The following ARB2A variants were observed in gnomAD, a reference collection of about 807,000 sequenced individuals.
ARB2A encodes cotranscriptional regulator ARB2A.
the ARB2A span, among the ~76,000 whole-genome samples, chr5:93,909,522 A>G: frequency 6.6e-5 from 10 of 151,124 alleles, no homozygotes; most frequent in Non-Finnish European, 1.3e-4. Context: ...CTCATGCTCT[A>G]TCCTAAAACA....
At chr5:93,675,510 G>C in the ARB2A span, among the ~76,000 whole-genome samples, 1 of 152,152 alleles carries the variant, frequency 6.6e-6, no homozygotes, top group African/African-American at 2.4e-5. Context: ...AAAAGTGATT[G>C]AGTTGAAAAA....
the ARB2A span, among the ~76,000 whole-genome samples, chr5:93,668,385 C>T: frequency 9.6e-4 from 146 of 152,304 alleles, 1 homozygote; most frequent in Non-Finnish European, 3.5e-4. Context: ...GGATTATAGG[C>T]GTGAGCCACC....
At chr5:93,656,340 T>C in the ARB2A span, among the ~76,000 whole-genome samples, 34 of 152,352 alleles carry the variant, frequency 2.2e-4, no homozygotes, top group South Asian at 6.8e-3. Flanking sequence ...CACATTTTGC[T>C]TCTAACCTGC....
chr5:93,962,941 C>A, the ARB2A span, among the ~76,000 whole-genome samples: 1 of 152,008 alleles, frequency 6.6e-6, no homozygotes, highest in Non-Finnish European at 1.5e-5. Context: ...AAACATATAA[C>A]ATGCTGTATA....
chr5:94,024,666 AAAGCACAC>A, the ARB2A span, among the ~76,000 whole-genome samples: 1 of 152,168 alleles, frequency 6.6e-6, no homozygotes. Flanking sequence ...AATTATTTTA[AAAGCACAC>A]AAGACACAAA....
chr5:93,661,181 A>G, the ARB2A span, among the ~76,000 whole-genome samples: 1 of 152,122 alleles, frequency 6.6e-6, no homozygotes, highest in East Asian at 1.9e-4. Context: ...AAGTAGTAAG[A>G]TAACACTGAT....
the ARB2A span, among the ~76,000 whole-genome samples, chr5:93,874,862 C>T: frequency 7.2e-5 from 11 of 152,128 alleles, no homozygotes; most frequent in Non-Finnish European, 1.6e-4. Context: ...CTGAAAGGTA[C>T]AAGGGCCAGG....
the ARB2A span, among the ~76,000 whole-genome samples, chr5:93,767,025 A>T: frequency 1.2e-4 from 14 of 113,050 alleles, no homozygotes; most frequent in African/African-American, 4.5e-4. Flanking sequence ...AACATCACAC[A>T]CCGGGGCCTG....
At chr5:93,778,137 T>C in the ARB2A span, among the ~76,000 whole-genome samples, 1 of 152,330 alleles carries the variant, frequency 6.6e-6, no homozygotes, top group African/African-American at 2.4e-5. Flanking sequence ...AAAAGCTTGA[T>C]GGTTTAAAAT....
At chr5:93,964,510 T>C in the ARB2A span, 2 of 1,580,040 alleles carry the variant, frequency 1.3e-6, no homozygotes, top group East Asian at 4.5e-5. Context: ...CTCATATACA[T>C]ACTTCGTGAT....
chr5:93,732,219 A>C, the ARB2A span, among the ~76,000 whole-genome samples: 1 of 152,162 alleles, frequency 6.6e-6, no homozygotes, highest in Non-Finnish European at 1.5e-5. Context: ...TCAGTTCATG[A>C]CAGTTCATCT....
At chr5:93,853,947 G>T in the ARB2A span, among the ~76,000 whole-genome samples, 6 of 152,134 alleles carry the variant, frequency 3.9e-5, no homozygotes, top group Non-Finnish European at 5.9e-5. Flanking sequence ...CCCTGGCTTT[G>T]GTATCAGGAT....
the ARB2A span, among the ~76,000 whole-genome samples, chr5:94,075,119 A>G: frequency 1.3e-5 from 2 of 152,112 alleles, no homozygotes; most frequent in African/African-American, 4.8e-5. Context: ...TTTTTAAAAA[A>G]TATCTTTGGG....
At chr5:94,073,735 C>G in the ARB2A span, among the ~76,000 whole-genome samples, 1 of 152,080 alleles carries the variant, frequency 6.6e-6, no homozygotes, top group Non-Finnish European at 1.5e-5. Flanking sequence ...CTGGATCCTT[C>G]CCAGCAACAT....
At chr5:93,852,454 T>C in the ARB2A span, among the ~76,000 whole-genome samples, 1 of 152,226 alleles carries the variant, frequency 6.6e-6, no homozygotes, top group African/African-American at 2.4e-5. Context: ...AGCTCTTTAG[T>C]TTCACTAGAT....
chr5:93,890,734 C>G, the ARB2A span, among the ~76,000 whole-genome samples: 1 of 152,032 alleles, frequency 6.6e-6, no homozygotes, highest in African/African-American at 2.4e-5. Flanking sequence ...TGGCTTAGAT[C>G]ATACAGGCTC....
At chr5:93,943,935 G>A in the ARB2A span, among the ~76,000 whole-genome samples, 3 of 152,088 alleles carry the variant, frequency 2.0e-5, no homozygotes, top group Non-Finnish European at 2.9e-5. Context: ...CATAGCTTAC[G>A]AAAAGAGACA....
the ARB2A span, among the ~76,000 whole-genome samples, chr5:93,639,307 C>A: frequency 6.6e-6 from 1 of 152,156 alleles, no homozygotes; most frequent in Non-Finnish European, 1.5e-5. Flanking sequence ...GATTTCTTCT[C>A]ATCCTAGTTA....
At chr5:93,924,269 A>C in the ARB2A span, among the ~76,000 whole-genome samples, 2 of 152,198 alleles carry the variant, frequency 1.3e-5, no homozygotes, top group Admixed American at 6.5e-5. Context: ...AGGAAGCAAA[A>C]GAAAAAAAGG....
Sources: gnomAD v4.1 joint callset for allele counts (sites outside exome capture counted in the v4.1 genomes callset) on GRCh38, gnomAD v4.1.1 for gene constraint, MANE v1.5 for transcripts, NCBI Gene and HGNC (gene_info 2026-07-23, HGNC 2026-07-21) for gene names.